The following TGM2 variants were observed in gnomAD, a reference collection of about 807,000 sequenced individuals.
The protein encoded by TGM2 is transglutaminase 2.
TGM2 carries 53 observed loss-of-function variants against 75.6 expected under a neutral mutation model. The observed-to-expected ratio is 0.70, with a 90% CI of 0.56 to 0.88. The LOEUF (loss-of-function observed/expected upper bound fraction) is 0.88, where lower values mean the gene tolerates loss of function less well. Among genes scored for constraint, TGM2 ranks in the 40% least tolerant of loss-of-function variants. The pLI is 0.00. For missense variants in TGM2, 842 were observed against 928.5 expected, an observed-to-expected ratio of 0.91 and a Z score of 1.21; for synonymous variants, 374 against 381.1, an observed-to-expected ratio of 0.98 and a Z score of 0.22.
intron 10 of TGM2, 157 bp downstream of exon 10, chr20:38,137,956 G>C: frequency 7.0e-7 from 1 of 1,432,950 alleles, no homozygotes. Flanking sequence ...GAATTAAGTG[G>C]GTTGATATTT....
intron 3 of TGM2, 56 bp downstream of exon 3, chr20:38,155,791 T>C (rs2122952031): frequency 6.4e-7 from 1 of 1,556,324 alleles, no homozygotes; most frequent in South Asian, 1.2e-5. Context: ...GCCTCCTCCA[T>C]GGGCGGATCC....
intron 3 of TGM2, among the ~76,000 whole-genome samples, chr20:38,151,520 A>C (rs1370193197): frequency 3.3e-5 from 5 of 152,154 alleles, no homozygotes; most frequent in African/African-American, 1.2e-4. Context: ...TTCTCTGCCC[A>C]CCTTAACACC....
chr20:38,157,320 G>T (rs2075200382), intron 2 of TGM2, among the ~76,000 whole-genome samples: 1 of 151,856 alleles, frequency 6.6e-6, no homozygotes, highest in African/African-American at 2.4e-5. Flanking sequence ...CTGTCCAAGT[G>T]CCAGGGGCCG....
At chr20:38,150,886 C>T (rs1345843818) in intron 4 of TGM2, 53 bp downstream of exon 4, 86 of 1,374,854 alleles carry the variant, frequency 6.3e-5, no homozygotes, top group Non-Finnish European at 8.2e-5. Flanking sequence ...GACACAGGGC[C>T]GGGCACACAG....
rs1568686524 is a variant in TGM2, at chr20:38,139,602, C to T, written c.1152G>A (p.Leu384=). ...CAAAGGGCGCATCGTACTTGGTGCT[C>T]AGGTCGCCCTCCTTGATGGCACGAA... ...VPVRAIKEGD[L]STKYDAPFVF... The change falls in exon 9 of 13, where the codon CTG becomes CTA. Residue 384 remains leucine (L), a synonymous_variant. Transcript: ENST00000361475. 1 of 1,614,176 alleles carries T rather than the reference C, an allele frequency of 6.2e-7. No individual in the cohort carries two copies. The highest frequency in any genetic ancestry group is 8.5e-7 in the Non-Finnish European group (1 of 1,180,032).
At chr20:38,148,193 C>A in intron 4 of TGM2, 104 bp from the exon 5 acceptor site, 1 of 1,490,400 alleles carries the variant, frequency 6.7e-7, no homozygotes, top group Non-Finnish European at 9.3e-7. Flanking sequence ...CTGTCCCACA[C>A]AGCAGACTGG....
chr20:38,138,722 C>T (rs1204253831), intron 9 of TGM2, among the ~76,000 whole-genome samples: 1 of 152,206 alleles, frequency 6.6e-6, no homozygotes, highest in Non-Finnish European at 1.5e-5. Flanking sequence ...TACAACAGTG[C>T]TTGGTGCATA....
intron 10 of TGM2, chr20:38,133,023 G>A (rs1337882294): frequency 2.8e-6 from 1 of 361,398 alleles, no homozygotes; most frequent in Non-Finnish European, 5.5e-6. Flanking sequence ...GCTTGTACGT[G>A]TATTACCACC....
intron 6 of TGM2, among the ~76,000 whole-genome samples, chr20:38,142,847 G>T (rs746214782): frequency 6.6e-6 from 1 of 152,168 alleles, no homozygotes; most frequent in Non-Finnish European, 1.5e-5. Context: ...ACCCCTCCTC[G>T]CACGCTGTGC....
chr20:38,154,072 C>G (rs945666443), intron 3 of TGM2, among the ~76,000 whole-genome samples: 5 of 152,142 alleles, frequency 3.3e-5, no homozygotes, highest in Admixed American at 2.0e-4. Context: ...CCTGCCTCAG[C>G]CTCTCAAAGT....
At position 38,146,792 on chromosome 20, in the gene TGM2, G is replaced by T. The variant is rs776117654; in HGVS notation, c.784C>A (p.Arg262=). 3 of 1,613,962 alleles carry T rather than the reference G, an allele frequency of 1.9e-6. No homozygotes were observed. The highest frequency in any genetic ancestry group is 1.7e-6 in the Non-Finnish European group (2 of 1,179,994). ...MSWIGSVDIL[R]RWKNHGCQRV... ...TGGCAGCCGTGGTTCTTCCAGCGCC[G>T]CAGGATGTCCACGCTGCCGATCCAG... is the stretch of plus-strand genomic sequence containing the variant. Residue 262 remains arginine (R), a synonymous_variant, in exon 6 of 13, where the codon CGG becomes AGG. Coordinates refer to ENST00000361475, the MANE Select transcript of TGM2 (RefSeq NM_004613.4).
At chr20:38,164,934 G>C (rs1467576387) in intron 1 of TGM2, among the ~76,000 whole-genome samples, 1 of 152,228 alleles carries the variant, frequency 6.6e-6, no homozygotes, top group Non-Finnish European at 1.5e-5. Context: ...CCAGTGGTCC[G>C]CCAGGACAGT....
intron 3 of TGM2, among the ~76,000 whole-genome samples, chr20:38,152,524 AT>A (rs2075126358): frequency 6.6e-6 from 1 of 152,162 alleles, no homozygotes; most frequent in Non-Finnish European, 1.5e-5. Flanking sequence ...CACTTGTTGA[AT>A]TGTCCCCACC....
At chr20:38,165,464 C>A (rs1034025868), upstream of TGM2, 6 of 561,380 alleles carry the variant, frequency 1.1e-5, no homozygotes, top group African/African-American at 1.0e-4. Flanking sequence ...CCTGGGGGAG[C>A]GGACAGGGAC....
chr20:38,137,212 C>G (rs755691275), intron 10 of TGM2, among the ~76,000 whole-genome samples: 1 of 152,160 alleles, frequency 6.6e-6, no homozygotes, highest in Non-Finnish European at 1.5e-5. Context: ...TGGCCAGGTG[C>G]GGTGGCTCAC....
chr20:38,151,577 G>A (rs963307471), intron 3 of TGM2, among the ~76,000 whole-genome samples: 8 of 152,128 alleles, frequency 5.3e-5, no homozygotes, highest in Non-Finnish European at 1.2e-4. Flanking sequence ...CTTTGGAAAC[G>A]AAAGCCCTGA....
intron 2 of TGM2, among the ~76,000 whole-genome samples, chr20:38,158,616 C>T (rs45590340): frequency 6.6e-6 from 1 of 152,200 alleles, no homozygotes; most frequent in African/African-American, 2.4e-5. Context: ...GAACTTTATC[C>T]CTCTGACAAG....
intron 10 of TGM2, among the ~76,000 whole-genome samples, chr20:38,136,598 G>A (rs556633925): frequency 3.7e-4 from 57 of 152,324 alleles, no homozygotes; most frequent in African/African-American, 1.0e-3. Flanking sequence ...GTGACACAGC[G>A]AGATGCTGCC....
chr20:38,142,001 A>C, intron 7 of TGM2, 63 bp downstream of exon 7: 1 of 1,605,556 alleles, frequency 6.2e-7, no homozygotes, highest in South Asian at 1.1e-5. Context: ...GAAGCCCTCC[A>C]AGGTTTCCTC....
Sources: allele counts gnomAD v4.1 joint callset (sites outside exome capture counted in the v4.1 genomes callset), GRCh38; gene constraint gnomAD v4.1.1; transcripts MANE v1.5; gene names NCBI Gene and HGNC (gene_info 2026-07-23, HGNC 2026-07-21).